The following MED12L variants were observed in gnomAD, a reference collection of about 807,000 sequenced individuals.
The protein encoded by MED12L is mediator of RNA polymerase II transcription subunit 12-like protein.
MED12L carries 60 observed loss-of-function variants against 281.3 expected under a neutral mutation model. The observed-to-expected ratio is 0.21, with a 90% CI of 0.17 to 0.26. The LOEUF is 0.26. Among genes scored for constraint, MED12L ranks in the 10% least tolerant of loss-of-function variants. The probability of loss-of-function intolerance (pLI) is 1.00; values close to 1 mark genes in which losing one functional copy is unlikely to be tolerated. For synonymous variants in MED12L, 974 were observed against 987.2 expected (o/e 0.99, Z 0.25); for missense variants, 2,146 against 2,680.9 (o/e 0.80, Z 4.41).
chr3:151,139,598 G>A (rs1716640028), intron 5 of MED12L, among the ~76,000 whole-genome samples: 1 of 152,172 alleles, frequency 6.6e-6, no homozygotes, highest in African/African-American at 2.4e-5. Context: ...ACCTACTCAA[G>A]TTGTGAGAGG....
chr3:151,383,544 T>C (rs762528450), intron 33 of MED12L, among the ~76,000 whole-genome samples: 5 of 152,196 alleles, frequency 3.3e-5, no homozygotes, highest in Non-Finnish European at 5.9e-5. Flanking sequence ...GTGCCCACAT[T>C]CAGATACTCA....
chr3:151,104,576 C>G (rs1166636136), intron 2 of MED12L, among the ~76,000 whole-genome samples: 1 of 152,116 alleles, frequency 6.6e-6, no homozygotes, highest in African/African-American at 2.4e-5. Flanking sequence ...TGGCCTGGAT[C>G]CTGGTTTTAG....
chr3:151,381,320 G>A (rs897449919), intron 32 of MED12L, among the ~76,000 whole-genome samples: 1 of 152,066 alleles, frequency 6.6e-6, no homozygotes, highest in African/African-American at 2.4e-5. Context: ...TCTAGATATA[G>A]CAATCATAGT....
intron 17 of MED12L, among the ~76,000 whole-genome samples, chr3:151,353,475 A>C (rs924744694): frequency 2.0e-5 from 3 of 152,206 alleles, no homozygotes; most frequent in African/African-American, 7.2e-5. Context: ...GTTACTGGCC[A>C]AAAGTGGCAC....
intron 16 of MED12L, chr3:151,248,838 T>C (rs956742356): frequency 6.6e-6 from 1 of 152,184 alleles, no homozygotes; most frequent in Non-Finnish European, 1.5e-5. Flanking sequence ...AACTGTACTC[T>C]GCATTAGATG....
chr3:151,421,755 T>C (rs1718275855), intron 43 of MED12L, among the ~76,000 whole-genome samples: 2 of 152,150 alleles, frequency 1.3e-5, no homozygotes, highest in South Asian at 4.1e-4. Context: ...TTTCTTTTTC[T>C]TAATAGTTCC....
At chr3:151,250,738 A>C (rs1394848160) in intron 16 of MED12L, among the ~76,000 whole-genome samples, 1 of 152,190 alleles carries the variant, frequency 6.6e-6, no homozygotes, top group Non-Finnish European at 1.5e-5. Flanking sequence ...TGGGTATACA[A>C]ATATCTGCTT....
chr3:151,222,223 A>G (rs889157666), intron 16 of MED12L, among the ~76,000 whole-genome samples: 1 of 152,240 alleles, frequency 6.6e-6, no homozygotes, highest in Non-Finnish European at 1.5e-5. Flanking sequence ...TTACAGGCTC[A>G]TAGGCGGAAG....
chr3:151,317,436 CTT>C (rs1164820615), intron 16 of MED12L, among the ~76,000 whole-genome samples: 15 of 58,724 alleles, frequency 2.6e-4, no homozygotes, highest in South Asian at 8.2e-4. Context: ...AATCATATCA[CTT>C]TTTTTTTTTT....
At position 151,186,728 on chromosome 3, in the gene MED12L, A is replaced by G. The variant is rs373156388; in HGVS notation, c.1626+1267A>G. Among the ~76,000 whole-genome samples the G allele has an allele frequency of 1.1e-4, 17 of 152,028 alleles. No homozygotes were observed. The East Asian group carries it at 3.1e-3, about 28-fold the overall frequency. ...ACGTGATCAAAGTTAACAGCGTTCT[A>G]CCCCTCAAGCACTCTTTCTCACGTC... On this transcript the variant is annotated intron_variant, in intron 12 of 44. Coordinates refer to ENST00000687756, the MANE Select transcript of MED12L (RefSeq NM_001393769.1).
intron 5 of MED12L, among the ~76,000 whole-genome samples, chr3:151,134,680 A>C (rs1234496929): frequency 1.3e-5 from 2 of 152,230 alleles, no homozygotes; most frequent in Non-Finnish European, 2.9e-5. Flanking sequence ...GAAGTGACTT[A>C]GGTGTATACT....
At chr3:151,344,883 T>G (rs139147070) in intron 16 of MED12L, among the ~76,000 whole-genome samples, 1 of 152,212 alleles carries the variant, frequency 6.6e-6, no homozygotes, top group Non-Finnish European at 1.5e-5. Context: ...CTGATCATCT[T>G]ACCATCATTA....
At chr3:151,320,061 C>G (rs1748813156) in intron 16 of MED12L, among the ~76,000 whole-genome samples, 1 of 152,044 alleles carries the variant, frequency 6.6e-6, no homozygotes, top group African/African-American at 2.4e-5. Context: ...CAAGGCTTAC[C>G]TTGGTTTCTA....
intron 12 of MED12L, among the ~76,000 whole-genome samples, chr3:151,186,746 C>T (rs915226460): frequency 9.9e-5 from 15 of 150,874 alleles, no homozygotes; most frequent in Non-Finnish European, 1.8e-4. Flanking sequence ...AGCACTCTTT[C>T]TCACGTCACT....
At chr3:151,306,538 G>A (rs940295840) in intron 16 of MED12L, among the ~76,000 whole-genome samples, 1 of 152,240 alleles carries the variant, frequency 6.6e-6, no homozygotes, top group African/African-American at 2.4e-5. Context: ...CCCCAGAAGG[G>A]CTATGGGAGG....
At chr3:151,159,756 A>G (rs1014029843) in intron 7 of MED12L, 76 bp from the exon 8 acceptor site, 2 of 1,377,458 alleles carry the variant, frequency 1.5e-6, no homozygotes, top group East Asian at 2.3e-5. Flanking sequence ...TAAATGAAAA[A>G]AAGTCTGTGT....
intron 16 of MED12L, chr3:151,338,844 A>C: frequency 6.2e-7 from 1 of 1,613,306 alleles, no homozygotes; most frequent in East Asian, 2.2e-5. Flanking sequence ...GACGGCTTGC[A>C]TTTCTTGTTG....
At chr3:151,115,046 A>G (rs566585012) in intron 2 of MED12L, among the ~76,000 whole-genome samples, 1 of 152,204 alleles carries the variant, frequency 6.6e-6, no homozygotes, top group African/African-American at 2.4e-5. Flanking sequence ...GGGCATGAAG[A>G]TACATACCTA....
At chr3:151,171,298 C>T (rs918007456) in intron 11 of MED12L, among the ~76,000 whole-genome samples, 3 of 152,134 alleles carry the variant, frequency 2.0e-5, no homozygotes, top group African/African-American at 7.2e-5. Flanking sequence ...GCTCTCTTTG[C>T]TTTTCAGAGG....
Sources: gnomAD v4.1 joint callset for allele counts (sites outside exome capture counted in the v4.1 genomes callset) on GRCh38, gnomAD v4.1.1 for gene constraint, MANE v1.5 for transcripts, NCBI Gene and HGNC (gene_info 2026-07-23, HGNC 2026-07-21) for gene names.